The following PCDH9 variants were observed in gnomAD, a reference collection of about 807,000 sequenced individuals.
PCDH9 encodes the protein protocadherin-9.
A neutral mutation model predicts 70.6 loss-of-function variants in PCDH9; 24 were observed. The observed-to-expected ratio is 0.34, with a 90% CI of 0.25 to 0.48. PCDH9 has a LOEUF of 0.48. PCDH9 is among the 20% of genes least tolerant of loss of function. The pLI, the probability that PCDH9 is intolerant of heterozygous loss-of-function variation, is 0.99. For synonymous variants in PCDH9, 562 were observed against 558.5 expected (o/e 1.01, Z -0.09); for missense variants, 1,281 against 1,503.6 (o/e 0.85, Z 2.45).
chr13:66,730,211 C>A (rs2079054700), intron 3 of PCDH9, among the ~76,000 whole-genome samples: 1 of 151,940 alleles, frequency 6.6e-6, no homozygotes, highest in Non-Finnish European at 1.5e-5. Context: ...TCTTTTTCTT[C>A]TTTTATTTCC....
At chr13:66,754,430 A>G (rs2079509446) in intron 3 of PCDH9, among the ~76,000 whole-genome samples, 1 of 151,776 alleles carries the variant, frequency 6.6e-6, no homozygotes, top group Non-Finnish European at 1.5e-5. Flanking sequence ...TTTTTTAAAA[A>G]AAGGAAAAAA....
intron 2 of PCDH9, among the ~76,000 whole-genome samples, chr13:67,053,284 C>T (rs897741752): frequency 2.6e-5 from 4 of 152,124 alleles, no homozygotes; most frequent in Non-Finnish European, 5.9e-5. Context: ...TAGAACTTTA[C>T]TTTTGCTCTA....
At chr13:66,358,514 C>CAG (rs1956420631) in intron 4 of PCDH9, among the ~76,000 whole-genome samples, 2 of 151,946 alleles carry the variant, frequency 1.3e-5, no homozygotes, top group African/African-American at 4.8e-5. Context: ...GTTCACTTCT[C>CAG]TATACTGGAT....
At chr13:66,516,880 T>C (rs1204771190) in intron 4 of PCDH9, among the ~76,000 whole-genome samples, 1 of 152,182 alleles carries the variant, frequency 6.6e-6, no homozygotes, top group Non-Finnish European at 1.5e-5. Flanking sequence ...AATTTTTTAA[T>C]ACATCTACAG....
intron 2 of PCDH9, among the ~76,000 whole-genome samples, chr13:67,043,395 G>A (rs1294151188): frequency 6.6e-6 from 1 of 152,156 alleles, no homozygotes; most frequent in African/African-American, 2.4e-5. Context: ...TTTGAATAAG[G>A]AAGATGTAGT....
rs564855228 is a variant in PCDH9 at position 66,973,278 on chromosome 13, A to G, written c.3037-69673T>C. 1.5e-3 allele frequency among the ~76,000 whole-genome samples: 221 copies of G among 152,038 alleles called. 1 individual carries two copies. The highest frequency in any genetic ancestry group is 2.8e-3 in the Non-Finnish European group (187 of 67,966). ...ACTGAACACTATGATGCCTTTTGAAATAATGCTTTAGTCCTTCAGAAATCT... is the reference window on the plus strand; with the variant it reads ...ACTGAACACTATGATGCCTTTTGAAGTAATGCTTTAGTCCTTCAGAAATCT... On this transcript the variant is annotated intron_variant, in intron 2 of 4. Coordinates refer to ENST00000377865, the MANE Select transcript of PCDH9 (RefSeq NM_203487.3).
intron 2 of PCDH9, among the ~76,000 whole-genome samples, chr13:67,030,401 C>T (rs1311454077): frequency 1.3e-5 from 2 of 152,032 alleles, no homozygotes; most frequent in Non-Finnish European, 2.9e-5. Flanking sequence ...TTTATAGTCA[C>T]CCTACTGTGC....
chr13:66,906,406 T>A (rs759210232), intron 2 of PCDH9, among the ~76,000 whole-genome samples: 1 of 152,192 alleles, frequency 6.6e-6, no homozygotes, highest in African/African-American at 2.4e-5. Flanking sequence ...GCACAACATA[T>A]AGTGAGAAGT....
intron 4 of PCDH9, among the ~76,000 whole-genome samples, chr13:66,585,693 C>T (rs1405938436): frequency 6.6e-6 from 1 of 152,100 alleles, no homozygotes; most frequent in African/African-American, 2.4e-5. Flanking sequence ...GATAACCTCA[C>T]TTATTCTGTC....
intron 3 of PCDH9, among the ~76,000 whole-genome samples, chr13:66,850,293 C>T (rs565362771): frequency 3.9e-5 from 6 of 152,066 alleles, no homozygotes; most frequent in East Asian, 3.9e-4. Flanking sequence ...CTGAGGCAGG[C>T]GGATCACCTG....
intron 3 of PCDH9, among the ~76,000 whole-genome samples, chr13:66,861,217 G>A (rs2081478740): frequency 1.3e-5 from 2 of 152,168 alleles, no homozygotes; most frequent in African/African-American, 4.8e-5. Flanking sequence ...CGAGTTAAGT[G>A]CGGCACTTTC....
rs34114606 is a variant in PCDH9, at chr13:66,538,626, CTT to C, written c.3340+92582_3340+92583del. ...TCCCTCTTCCTTGTTGGGGGTCAAT[CTT>C]TTTTTTTTTTAATTAAAATCTTCAA... is the stretch of plus-strand genomic sequence containing the variant. On this transcript the variant is annotated intron_variant, in intron 4 of 4. Transcript: ENST00000377865. Among the ~76,000 whole-genome samples, 947 of 147,880 alleles carry C rather than the reference CTT, an allele frequency of 6.4e-3. 11 individuals are homozygous for C. Among genetic ancestry groups the C allele is most frequent in the African/African-American group, 0.022 (880 of 40,276 alleles).
intron 4 of PCDH9, among the ~76,000 whole-genome samples, chr13:66,446,359 T>G (rs994873002): frequency 6.6e-6 from 1 of 152,060 alleles, no homozygotes. Flanking sequence ...GATATTATGA[T>G]ATAAATTAAA....
intron 2 of PCDH9, among the ~76,000 whole-genome samples, chr13:67,151,539 G>T (rs983808087): frequency 1.3e-5 from 2 of 152,000 alleles, no homozygotes; most frequent in Admixed American, 1.3e-4. Flanking sequence ...CTTAGGTAGG[G>T]GATCTAAGAG....
intron 4 of PCDH9, among the ~76,000 whole-genome samples, chr13:66,478,283 T>C (rs903155959): frequency 2.6e-5 from 4 of 152,180 alleles, no homozygotes; most frequent in Non-Finnish European, 5.9e-5. Flanking sequence ...CTTTATTTCC[T>C]TGGACCCTCC....
rs1049574648 is a variant in PCDH9 at position 66,844,793 on chromosome 13, C to T, written c.3138+58711G>A. 2.0e-5 allele frequency among the ~76,000 whole-genome samples: 3 copies of T among 152,114 alleles called. No individual in the cohort carries two copies. In the East Asian group the frequency reaches 5.8e-4, roughly 29 times the overall value. ...TAGTCCAAAAAAGAAAAATAAAATC[C>T]AAAAAGCACTTCTCATATTCTTATA... On this transcript the variant is annotated intron_variant, in intron 3 of 4. Coordinates refer to ENST00000377865, the MANE Select transcript of PCDH9 (RefSeq NM_203487.3).
chr13:67,189,775 A>G (rs2088860306), intron 2 of PCDH9, among the ~76,000 whole-genome samples: 1 of 152,042 alleles, frequency 6.6e-6, no homozygotes, highest in Non-Finnish European at 1.5e-5. Context: ...CCATTTGACA[A>G]TCTGCAAAAG....
At chr13:66,866,622 C>T (rs1023175470) in intron 3 of PCDH9, among the ~76,000 whole-genome samples, 1 of 151,926 alleles carries the variant, frequency 6.6e-6, no homozygotes, top group African/African-American at 2.4e-5. Flanking sequence ...TATGGCGAAA[C>T]CCCATCTTTA....
intron 2 of PCDH9, among the ~76,000 whole-genome samples, chr13:67,036,953 A>G (rs1232395249): frequency 6.6e-6 from 1 of 152,212 alleles, no homozygotes; most frequent in Non-Finnish European, 1.5e-5. Context: ...TGAAATGGAC[A>G]TTTATGAATC....
Sources: gnomAD v4.1 joint callset for allele counts (sites outside exome capture counted in the v4.1 genomes callset) on GRCh38, gnomAD v4.1.1 for gene constraint, MANE v1.5 for transcripts, NCBI Gene and HGNC (gene_info 2026-07-23, HGNC 2026-07-21) for gene names.